The following LTA variants were observed in gnomAD, a reference collection of about 807,000 sequenced individuals.
The protein encoded by LTA is lymphotoxin-alpha.
In LTA, 6 loss-of-function variants were observed where a neutral mutation model predicts 15.1. The observed-to-expected ratio is 0.40, with a 90% CI of 0.22 to 0.78. LTA has a LOEUF of 0.78. LTA is among the 30% of genes least tolerant of loss of function. LTA has a pLI of 0.38. For synonymous variants in LTA, 87 were observed against 107.3 expected, an observed-to-expected ratio of 0.81 and a Z score of 1.17; for missense variants, 173 against 249.5, an observed-to-expected ratio of 0.69 and a Z score of 2.06.
the LTA span, among the ~76,000 whole-genome samples, chr6:31,564,300 G>A: frequency 6.6e-6 from 1 of 152,016 alleles, no homozygotes; most frequent in Non-Finnish European, 1.5e-5. Flanking sequence ...TTTCCTCTGA[G>A]ACGAAGTCTC....
At chr6:31,564,311 G>A in the LTA span, among the ~76,000 whole-genome samples, 128 of 151,968 alleles carry the variant, frequency 8.4e-4, no homozygotes, top group African/African-American at 3.1e-3. Context: ...ACGAAGTCTC[G>A]CTCTGTCACC....
chr6:31,573,740 C>T lies in LTA; in HGVS notation c.*47C>T. The T allele has an allele frequency of 6.2e-7, 1 of 1,604,596 alleles. No individual in the cohort carries two copies. The highest frequency in any genetic ancestry group is 8.5e-7 in the Non-Finnish European group (1 of 1,173,622). On this transcript the variant is annotated 3_prime_UTR_variant, in exon 4 of 4. Coordinates refer to ENST00000418386, the MANE Select transcript of LTA (RefSeq NM_000595.4). The stretch of plus-strand genomic sequence containing the variant: ...AAAAAATAATTGATTTCAAGACCTT[C>T]TCCCCATTCTGCCTCCATTCTGACC...
In LTA at chr6:31,573,486, C is replaced by T; in HGVS notation, c.411C>T (p.Leu137=). 2 of 1,614,132 alleles carry T rather than the reference C, an allele frequency of 1.2e-6. No homozygotes were observed. The highest frequency in any genetic ancestry group is 1.7e-6 in the Non-Finnish European group (2 of 1,179,988). ...TCTACCTGGCCCATGAGGTCCAGCT[C>T]TTCTCCTCCCAGTACCCCTTCCATG... ...SPLYLAHEVQ[L]FSSQYPFHVP... is the part of the protein sequence containing the mutation. The change falls in exon 4 of 4, where the codon CTC becomes CTT. Residue 137 remains leucine, a synonymous_variant. Transcript: ENST00000418386.
At chr6:31,563,651 A>T in the LTA span, among the ~76,000 whole-genome samples, 1 of 152,198 alleles carries the variant, frequency 6.6e-6, no homozygotes, top group Non-Finnish European at 1.5e-5. Flanking sequence ...CTTGTTGCCC[A>T]GGCTGGAGTG....
chr6:31,561,186 A>T, the LTA span, among the ~76,000 whole-genome samples: 4 of 152,184 alleles, frequency 2.6e-5, no homozygotes, highest in Non-Finnish European at 2.9e-5. Flanking sequence ...GTGATGAAGA[A>T]AGGACCACAG....
In LTA at chr6:31,573,262, C is replaced by T. The variant is rs375116237; in HGVS notation, c.206-19C>T. ...CAGACCCCTGATCTCCCACCCCCAT[C>T]CCCTATGGCTCTTCCTAGGAGACCC... On this transcript the variant is annotated intron_variant, in intron 3 of 3. Coordinates refer to ENST00000418386, the MANE Select transcript of LTA (RefSeq NM_000595.4). 9.8e-5 allele frequency: 157 copies of T among 1,599,196 alleles called. 4 individuals are homozygous for T. In the South Asian group the frequency reaches 1.7e-3, roughly 17 times the overall value.
At chr6:31,561,243 G>A in the LTA span, among the ~76,000 whole-genome samples, 1 of 152,212 alleles carries the variant, frequency 6.6e-6, no homozygotes, top group African/African-American at 2.4e-5. Context: ...CAGTGGTCCA[G>A]GTGACGATGA....
At chr6:31,560,957 A>C in the LTA span, among the ~76,000 whole-genome samples, 1 of 152,180 alleles carries the variant, frequency 6.6e-6, no homozygotes, top group African/African-American at 2.4e-5. Context: ...AGATGATTAC[A>C]GAAAGAGGGG....
upstream of LTA, among the ~76,000 whole-genome samples, chr6:31,567,092 T>C (rs1770605546): frequency 6.6e-6 from 1 of 151,618 alleles, no homozygotes; most frequent in African/African-American, 2.4e-5. Context: ...GGTCAGGAGT[T>C]TGAGATCAGC....
the LTA span, among the ~76,000 whole-genome samples, chr6:31,562,305 A>G: frequency 2.0e-5 from 3 of 152,122 alleles, no homozygotes; most frequent in East Asian, 5.8e-4. Context: ...AGGTGAGGAA[A>G]AGGAGGTGGT....
chr6:31,572,409 G>A lies in LTA; in HGVS notation c.-47G>A. The stretch of plus-strand genomic sequence containing the variant: ...CTGGGCCTCGGTCCCTCCTGCACCT[G>A]CTGCCTGGATCCCCGGCCTGCCTGG... On this transcript the variant is annotated 5_prime_UTR_variant, in exon 1 of 4. Transcript: ENST00000418386. The A allele has an allele frequency of 4.1e-6, 2 of 487,120 alleles. No individual in the cohort carries two copies. Among genetic ancestry groups the A allele is most frequent in the South Asian group, 2.7e-5 (1 of 37,578 alleles). 30.2% of individuals were successfully genotyped at this position (487,120 alleles called of 1,614,324 possible). A position where few individuals can be genotyped will look rare whatever the true frequency, so the allele number is the denominator to read the frequency against.
At chr6:31,573,070 C>T (rs1471100650) in intron 3 of LTA, 37 bp downstream of exon 3, 1 of 1,531,732 alleles carries the variant, frequency 6.5e-7, no homozygotes, top group East Asian at 2.3e-5. Context: ...ATGTCCCCAC[C>T]AGCTCTCCTC....
At chr6:31,571,052 T>A (rs969917311), upstream of LTA, among the ~76,000 whole-genome samples, 11 of 129,780 alleles carry the variant, frequency 8.5e-5, no homozygotes, top group African/African-American at 2.2e-4. Flanking sequence ...AGGAAAAAAA[T>A]TTTGGAAACT....
chr6:31,563,014 G>T, the LTA span, among the ~76,000 whole-genome samples: 1 of 151,920 alleles, frequency 6.6e-6, no homozygotes, highest in Non-Finnish European at 1.5e-5. Context: ...ACAAAAATTA[G>T]CTGGGCGTGG....
the LTA span, among the ~76,000 whole-genome samples, chr6:31,563,193 TAAGC>T: frequency 1.3e-5 from 2 of 151,850 alleles, no homozygotes; most frequent in South Asian, 2.1e-4. Context: ...AGTGAAAACA[TAAGC>T]AAGAAGTGGG....
At chr6:31,561,657 C>G in the LTA span, among the ~76,000 whole-genome samples, 97 of 151,462 alleles carry the variant, frequency 6.4e-4, 1 homozygote, top group African/African-American at 2.3e-3. Context: ...TGCCTCTGCT[C>G]TCCAGTCTGG....
Position 31,574,143 on chromosome 6 carries a change from C to A in LTA, c.*450C>A, listed in dbSNP as rs1045986296. ...ACATCCAAGGAGAAACAGAGACAGGCCCAAGAGATGAAGAGTGAGAGGGCA... is the reference window on the plus strand; with the variant it reads ...ACATCCAAGGAGAAACAGAGACAGGACCAAGAGATGAAGAGTGAGAGGGCA... On this transcript the variant is annotated 3_prime_UTR_variant, in exon 4 of 4. Transcript: ENST00000418386. 3.0e-6 allele frequency: 1 copy of A among 328,156 alleles called. No homozygotes were observed. Among genetic ancestry groups the A allele is most frequent in the Non-Finnish European group, 5.9e-6 (1 of 169,178 alleles). 20.3% of individuals were successfully genotyped at this position (328,156 alleles called of 1,614,324 possible).
upstream of LTA, among the ~76,000 whole-genome samples, chr6:31,570,911 G>C (rs989059552): frequency 2.0e-5 from 3 of 152,032 alleles, no homozygotes; most frequent in African/African-American, 7.2e-5. Flanking sequence ...CAGCAGGGAG[G>C]GGGCATGAGG....
chr6:31,570,963 G>T (rs1770799367), upstream of LTA, among the ~76,000 whole-genome samples: 1 of 152,038 alleles, frequency 6.6e-6, no homozygotes, highest in Non-Finnish European at 1.5e-5. Flanking sequence ...CTGGGTGGTG[G>T]CTACATACAG....
Sources: allele counts gnomAD v4.1 joint callset (sites outside exome capture counted in the v4.1 genomes callset), GRCh38; gene constraint gnomAD v4.1.1; transcripts MANE v1.5; gene names NCBI Gene and HGNC (gene_info 2026-07-23, HGNC 2026-07-21).